Variants in FYB1 observed in about 807,000 individuals in gnomAD.
FYB1 encodes the protein FYN-binding protein 1.
In FYB1, 41 loss-of-function variants were observed where a neutral mutation model predicts 94.1. The observed-to-expected ratio is 0.44, with a 90% CI of 0.34 to 0.57. The LOEUF is 0.57. Ranked by LOEUF, FYB1 falls within the 20% of genes least tolerant of loss-of-function variation. FYB1 has a pLI of 0.02. For synonymous variants in FYB1, 367 were observed against 353.2 expected, an observed-to-expected ratio of 1.04 and a Z score of -0.44; for missense variants, 1,050 against 976.8, an observed-to-expected ratio of 1.07 and a Z score of -1.00.
intron 1 of FYB1, among the ~76,000 whole-genome samples, chr5:39,263,812 C>T (rs1752321499): frequency 6.6e-6 from 1 of 152,138 alleles, no homozygotes; most frequent in Non-Finnish European, 1.5e-5. Context: ...AAGGCCCAAG[C>T]CAGGATCAAG....
chr5:39,260,115 A>T (rs1752151467), intron 1 of FYB1, among the ~76,000 whole-genome samples: 1 of 152,228 alleles, frequency 6.6e-6, no homozygotes, highest in Non-Finnish European at 1.5e-5. Context: ...ATCAGAGACT[A>T]GCTTTAATAG....
intron 1 of FYB1, among the ~76,000 whole-genome samples, chr5:39,216,726 G>T (rs1749899738): frequency 6.6e-6 from 1 of 152,164 alleles, no homozygotes; most frequent in East Asian, 1.9e-4. Context: ...CATATTAGAG[G>T]TGACATCCCA....
chr5:39,232,270 T>C (rs1750776989), intron 1 of FYB1, among the ~76,000 whole-genome samples: 1 of 152,112 alleles, frequency 6.6e-6, no homozygotes, highest in Non-Finnish European at 1.5e-5. Context: ...ATATAAACTT[T>C]TCTGGCATCA....
chr5:39,207,254 T>A (rs2150512512), intron 1 of FYB1, among the ~76,000 whole-genome samples: 1 of 152,360 alleles, frequency 6.6e-6, no homozygotes, highest in South Asian at 2.1e-4. Context: ...TGTATCCATA[T>A]AATGCTTAGT....
At chr5:39,137,947 T>C in intron 6 of FYB1, 2 of 523,816 alleles carry the variant, frequency 3.8e-6, no homozygotes, top group East Asian at 7.1e-5. Context: ...CCTGACAACT[T>C]GTGCCAGCAA....
At chr5:39,142,754 T>C (rs1300041012) in intron 3 of FYB1, among the ~76,000 whole-genome samples, 1 of 152,150 alleles carries the variant, frequency 6.6e-6, no homozygotes, top group Non-Finnish European at 1.5e-5. Context: ...CTGCAATCTT[T>C]CCCCTATTGC....
chr5:39,131,701 C>A (rs1431144337), intron 9 of FYB1, among the ~76,000 whole-genome samples: 1 of 152,176 alleles, frequency 6.6e-6, no homozygotes, highest in Non-Finnish European at 1.5e-5. Context: ...TTTCCTGACT[C>A]TTCCCTCTGA....
rs144962092 is a variant in FYB1 at position 39,238,310 on chromosome 5, A to G, written c.-27-35323T>C. On this transcript the variant is annotated intron_variant, in intron 1 of 1. Transcript: ENST00000510188. ...ATGTGCATAAAATTCCTGTGAGGAT[A>G]AATCTTAAGGAAGCCTGAGTGGGAG... Among the ~76,000 whole-genome samples, 21 of 152,146 alleles carry G rather than the reference A, an allele frequency of 1.4e-4. No homozygotes were observed. The East Asian group carries it at 4.1e-3, about 29-fold the overall frequency.
In FYB1 at chr5:39,132,663, CAA is replaced by C. The variant is rs771484259; in HGVS notation, c.1817+1543_1817+1544del. On this transcript the variant is annotated intron_variant, in intron 9 of 18. Transcript: ENST00000512982. ...GAAATATTCACCCAATATGGTTAAA[CAA>C]AGTTTCATTCTAAGAACCTCATTGT... 9.9e-5 allele frequency among the ~76,000 whole-genome samples: 15 copies of C among 152,022 alleles called. No individual in the cohort carries two copies. In the East Asian group the frequency reaches 2.7e-3, roughly 28 times the overall value.
At chr5:39,112,493 T>C (rs986807094) in intron 16 of FYB1, among the ~76,000 whole-genome samples, 3 of 152,064 alleles carry the variant, frequency 2.0e-5, no homozygotes, top group Non-Finnish European at 4.4e-5. Context: ...TTATAAACTG[T>C]TGTTAGAGAC....
At position 39,207,818 on chromosome 5, in the gene FYB1, T is replaced by C. The variant is rs575620908; in HGVS notation, c.-27-4831A>G. On this transcript the variant is annotated intron_variant, in intron 1 of 18. Transcript: ENST00000512982. Reference sequence around the variant, plus strand: ...TTTCCCCCCTGGGGATGTTTATCAATGTCTGGAAGCATTTTTGACGAAAAT... The same window carrying C: ...TTTCCCCCCTGGGGATGTTTATCAACGTCTGGAAGCATTTTTGACGAAAAT... Among the ~76,000 whole-genome samples the C allele has an allele frequency of 1.7e-4, 26 of 152,310 alleles. No individual in the cohort carries two copies. The East Asian group carries it at 4.8e-3, about 28-fold the overall frequency.
intron 14 of FYB1, among the ~76,000 whole-genome samples, chr5:39,120,562 AG>A (rs2150282670): frequency 6.6e-6 from 1 of 152,262 alleles, no homozygotes; most frequent in South Asian, 2.1e-4. Context: ...AGCAAGGTCC[AG>A]GTAGTGCTAG....
At chr5:39,127,501 T>C (rs1328958329) in intron 11 of FYB1, among the ~76,000 whole-genome samples, 1 of 151,886 alleles carries the variant, frequency 6.6e-6, no homozygotes, top group Non-Finnish European at 1.5e-5. Context: ...TTATCTTTTG[T>C]TTTCATTTCA....
At position 39,201,840 on chromosome 5, in the gene FYB1, G is replaced by A. The variant is rs1273284989; in HGVS notation, c.1121C>T (p.Thr374Ile). The change falls in exon 2 of 19, where the codon ACC (threonine) becomes ATC (isoleucine). Residue 374 changes from threonine (T) to isoleucine (I), a missense_variant. By Grantham distance (89) the Thr-to-Ile change is moderately conservative. Coordinates refer to ENST00000512982, the MANE Select transcript of FYB1 (RefSeq NM_001465.6). ...PNVDLTKFHK[T>I]SSGNSTSKGQ... is the part of the protein sequence containing the mutation. ...AAAGAACTCACTGTTTCCAGAAGAG[G>A]TTTTGTGGAATTTCGTCAGGTCAAC... is the stretch of plus-strand genomic sequence containing the variant. The A allele has an allele frequency of 1.9e-6, 3 of 1,612,448 alleles. No individual in the cohort carries two copies. In the East Asian group the frequency reaches 6.7e-5, roughly 36 times the overall value.
At chr5:39,160,859 G>A (rs1744183746) in intron 2 of FYB1, among the ~76,000 whole-genome samples, 1 of 152,214 alleles carries the variant, frequency 6.6e-6, no homozygotes, top group African/African-American at 2.4e-5. Flanking sequence ...ATTTCCATCT[G>A]TGCAGAGAGA....
chr5:39,202,266 C>G lies in FYB1; in HGVS notation c.695G>C (p.Arg232Thr), dbSNP rs1312058272. The change falls in exon 2 of 19, where the codon AGG becomes ACG. Residue 232 changes from arginine (R) to threonine (T), a missense_variant. By Grantham distance (71) the Arg-to-Thr change is moderately conservative (BLOSUM62 -1). Transcript: ENST00000512982. ...TGGTTTTAAAGGGCCGCTTTTGGAC[C>G]TGACTCCCAGGGGAGCTGGGGACCC... ...SKGSPAPLGV[R>T]SKSGPLKPAR... The G allele has an allele frequency of 6.2e-7, 1 of 1,613,794 alleles. No homozygotes were observed. The highest frequency in any genetic ancestry group is 1.3e-5 in the African/African-American group (1 of 74,882).
At chr5:39,254,196 T>G (rs1751843997) in intron 1 of FYB1, among the ~76,000 whole-genome samples, 1 of 152,216 alleles carries the variant, frequency 6.6e-6, no homozygotes, top group South Asian at 2.1e-4. Context: ...TTTATATTCC[T>G]TTGGCTCTAT....
At chr5:39,178,296 A>G (rs1185078208) in intron 2 of FYB1, among the ~76,000 whole-genome samples, 3 of 152,226 alleles carry the variant, frequency 2.0e-5, no homozygotes, top group African/African-American at 7.2e-5. Context: ...CCTCTGCAAC[A>G]TTCATGTGTG....
chr5:39,176,663 T>C lies in FYB1; in HGVS notation c.1136-23059A>G, dbSNP rs139713777. Among the ~76,000 whole-genome samples, 397 of 152,358 alleles carry C rather than the reference T, an allele frequency of 2.6e-3. 2 individuals carry two copies. Among genetic ancestry groups the C allele is most frequent in the Non-Finnish European group, 4.6e-3 (310 of 68,034 alleles). On this transcript the variant is annotated intron_variant, in intron 2 of 18. Coordinates refer to ENST00000512982, the MANE Select transcript of FYB1 (RefSeq NM_001465.6). ...TGCCAATCTTTAAAAAGATAAATGC[T>C]GTTTGTCTCTCAAAACAGTCATAAA...
Sources: gnomAD v4.1 joint callset for allele counts (sites outside exome capture counted in the v4.1 genomes callset) on GRCh38, gnomAD v4.1.1 for gene constraint, MANE v1.5 for transcripts, NCBI Gene and HGNC (gene_info 2026-07-23, HGNC 2026-07-21) for gene names.